Variants in ZCWPW2 observed in about 807,000 individuals in gnomAD.
The protein encoded by ZCWPW2 is zinc finger CW-type PWWP domain protein 2.
In ZCWPW2, 45 loss-of-function variants were observed where a neutral mutation model predicts 46.6. The observed-to-expected ratio is 0.96, with a 90% CI of 0.76 to 1.24. The LOEUF is 1.24. Among genes scored for constraint, ZCWPW2 ranks in the 50% most tolerant of loss-of-function variants. ZCWPW2 has a pLI of 0.00. For missense variants in ZCWPW2, 429 were observed against 403.9 expected (o/e 1.06, Z -0.53); for synonymous variants, 152 against 137.1 (o/e 1.11, Z -0.76).
At chr3:28,364,627 A>G (rs1471561211) in intron 1 of ZCWPW2, among the ~76,000 whole-genome samples, 5 of 151,886 alleles carry the variant, frequency 3.3e-5, no homozygotes, top group Non-Finnish European at 2.9e-5. Context: ...TTATTTTTTA[A>G]TTTTTAAATT....
intron 2 of ZCWPW2, among the ~76,000 whole-genome samples, chr3:28,401,974 A>C (rs1695959547): frequency 6.6e-6 from 1 of 151,878 alleles, no homozygotes; most frequent in Non-Finnish European, 1.5e-5. Context: ...AAAAAGTCTG[A>C]AAGAGCACTA....
At chr3:28,398,047 G>A (rs1695775060) in intron 2 of ZCWPW2, 4 of 152,182 alleles carry the variant, frequency 2.6e-5, no homozygotes, top group Admixed American at 2.6e-4. Flanking sequence ...GACATTGTCA[G>A]TCTGGCTGCT....
intron 9 of ZCWPW2, among the ~76,000 whole-genome samples, chr3:28,524,100 C>A (rs186995429): frequency 6.6e-6 from 1 of 151,972 alleles, no homozygotes; most frequent in African/African-American, 2.4e-5. Context: ...TACTAGTATC[C>A]TTTCCCACTA....
intron 6 of ZCWPW2, among the ~76,000 whole-genome samples, chr3:28,512,020 A>G (rs1700440260): frequency 6.6e-6 from 1 of 152,082 alleles, no homozygotes; most frequent in South Asian, 2.1e-4. Flanking sequence ...ACAAACACAC[A>G]CATATGGCTA....
chr3:28,378,805 A>G lies in ZCWPW2; in HGVS notation c.-133-11693A>G, dbSNP rs80197925. ...AGTGTTCATTTAGATGCTAGGGATA[A>G]AGCAATTAATAAGATAGATATGAGC... On this transcript the variant is annotated intron_variant, in intron 1 of 9. Coordinates refer to ENST00000383768, the MANE Select transcript of ZCWPW2 (RefSeq NM_001040432.4). Among the ~76,000 whole-genome samples the G allele has an allele frequency of 6.0e-4, 91 of 152,244 alleles. No individual in the cohort carries two copies. In the East Asian group the frequency reaches 0.012, roughly 21 times the overall value.
chr3:28,420,839 T>G (rs1696748886), intron 3 of ZCWPW2, among the ~76,000 whole-genome samples: 1 of 152,120 alleles, frequency 6.6e-6, no homozygotes, highest in Non-Finnish European at 1.5e-5. Flanking sequence ...TTCAGTTCAT[T>G]TTCTCTCTGT....
intron 8 of ZCWPW2, among the ~76,000 whole-genome samples, chr3:28,516,425 T>C (rs1449165581): frequency 2.0e-5 from 3 of 152,132 alleles, no homozygotes; most frequent in Admixed American, 2.0e-4. Context: ...AGCAGAAGAC[T>C]GGGGCTTCCA....
At chr3:28,516,717 G>A (rs1575231110) in intron 8 of ZCWPW2, among the ~76,000 whole-genome samples, 1 of 152,020 alleles carries the variant, frequency 6.6e-6, no homozygotes, top group East Asian at 1.9e-4. Flanking sequence ...CTTATTAAAA[G>A]AAAGGAAAGC....
At chr3:28,378,224 A>G (rs1318174272) in intron 1 of ZCWPW2, among the ~76,000 whole-genome samples, 4 of 152,048 alleles carry the variant, frequency 2.6e-5, no homozygotes, top group Non-Finnish European at 4.4e-5. Flanking sequence ...AAGAACGAAC[A>G]GTGAAAGTTA....
intron 5 of ZCWPW2, among the ~76,000 whole-genome samples, chr3:28,483,714 A>C (rs537976756): frequency 6.6e-6 from 1 of 152,154 alleles, no homozygotes; most frequent in South Asian, 2.1e-4. Flanking sequence ...TTTTAGATTT[A>C]TGCTTGACTA....
intron 2 of ZCWPW2, among the ~76,000 whole-genome samples, chr3:28,408,288 C>T (rs1343846810): frequency 6.6e-6 from 1 of 152,118 alleles, no homozygotes; most frequent in East Asian, 1.9e-4. Context: ...TTTTCATAAG[C>T]TTTCCATTGA....
chr3:28,496,180 AGT>A (rs1164715177), intron 6 of ZCWPW2, among the ~76,000 whole-genome samples: 2 of 152,072 alleles, frequency 1.3e-5, no homozygotes, highest in Admixed American at 6.6e-5. Context: ...AAAAGGTAAA[AGT>A]GTAGTTACCG....
At chr3:28,494,470 G>T (rs1276344012) in intron 6 of ZCWPW2, among the ~76,000 whole-genome samples, 1 of 150,130 alleles carries the variant, frequency 6.7e-6, no homozygotes, top group Non-Finnish European at 1.5e-5. Context: ...TAGATATGCG[G>T]CATTATTTCT....
chr3:28,492,425 T>A (rs1699842157), intron 6 of ZCWPW2, among the ~76,000 whole-genome samples: 1 of 151,976 alleles, frequency 6.6e-6, no homozygotes. Context: ...AGTAAATGAG[T>A]GTTTTTACTT....
At chr3:28,357,087 AT>A (rs1312877664) in intron 1 of ZCWPW2, among the ~76,000 whole-genome samples, 1 of 151,952 alleles carries the variant, frequency 6.6e-6, no homozygotes, top group Non-Finnish European at 1.5e-5. Context: ...AAAAAAATCC[AT>A]TTTTTCCTAC....
intron 1 of ZCWPW2, among the ~76,000 whole-genome samples, chr3:28,353,674 T>G (rs547770296): frequency 4.6e-5 from 7 of 152,212 alleles, no homozygotes; most frequent in Non-Finnish European, 8.8e-5. Context: ...TGACAGAGGT[T>G]TTTTTTTCTT....
At chr3:28,373,825 T>A (rs894659711) in intron 1 of ZCWPW2, among the ~76,000 whole-genome samples, 1 of 152,142 alleles carries the variant, frequency 6.6e-6, no homozygotes, top group African/African-American at 2.4e-5. Flanking sequence ...TGCTCATTTT[T>A]AAATTAGATT....
At chr3:28,421,638 TA>T (rs751021834) in intron 3 of ZCWPW2, among the ~76,000 whole-genome samples, 1 of 151,990 alleles carries the variant, frequency 6.6e-6, no homozygotes, top group Non-Finnish European at 1.5e-5. Context: ...CTGAGGAATA[TA>T]AAGTGCAAGA....
At chr3:28,406,111 G>T (rs1469595985) in intron 2 of ZCWPW2, among the ~76,000 whole-genome samples, 2 of 152,160 alleles carry the variant, frequency 1.3e-5, no homozygotes, top group Non-Finnish European at 2.9e-5. Context: ...GCTGTGGCTT[G>T]GCTCTTCTTG....
Sources: gnomAD v4.1 joint callset for allele counts (sites outside exome capture counted in the v4.1 genomes callset) on GRCh38, gnomAD v4.1.1 for gene constraint, MANE v1.5 for transcripts, NCBI Gene and HGNC (gene_info 2026-07-23, HGNC 2026-07-21) for gene names.